Variants in SOX6 observed in about 807,000 individuals in gnomAD.
SOX6 encodes transcription factor SOX-6.
SOX6 carries 11 observed loss-of-function variants against 97.8 expected under a neutral mutation model. The observed-to-expected ratio is 0.11, with a 90% CI of 0.07 to 0.19. SOX6 has a LOEUF of 0.19. SOX6 is among the 10% of genes least tolerant of loss of function. The pLI, the probability that SOX6 is intolerant of heterozygous loss-of-function variation, is 1.00. For missense variants in SOX6, 810 were observed against 1,039.5 expected, an observed-to-expected ratio of 0.78 and a Z score of 3.04; for synonymous variants, 360 against 371.4, an observed-to-expected ratio of 0.97 and a Z score of 0.35.
intron 4 of SOX6, among the ~76,000 whole-genome samples, chr11:16,230,413 G>A (rs1389581072): frequency 1.3e-5 from 2 of 151,650 alleles, no homozygotes. Context: ...AAAGTCAATA[G>A]AGGCAAGTTA....
chr11:16,627,930 G>T (rs1237472295), intron 3 of SOX6, among the ~76,000 whole-genome samples: 1 of 152,046 alleles, frequency 6.6e-6, no homozygotes, highest in Non-Finnish European at 1.5e-5. Context: ...GTACTTTAGG[G>T]TCTTATATTT....
At chr11:16,713,807 G>A (rs1027459179) in intron 3 of SOX6, among the ~76,000 whole-genome samples, 1 of 152,288 alleles carries the variant, frequency 6.6e-6, no homozygotes, top group South Asian at 2.1e-4. Flanking sequence ...CACTCCTGCA[G>A]AACTCAAATC....
At chr11:16,262,244 C>CTACTAAACTACTACTACTAAACT (rs1853924668) in intron 3 of SOX6, among the ~76,000 whole-genome samples, 1 of 152,018 alleles carries the variant, frequency 6.6e-6, no homozygotes, top group Non-Finnish European at 1.5e-5. Context: ...GCAAGTCAAG[C>CTACTAAACTACTACTACTAAACT]ACATCAACAA....
chr11:16,250,935 A>T (rs1162889481), intron 3 of SOX6, among the ~76,000 whole-genome samples: 2 of 152,168 alleles, frequency 1.3e-5, no homozygotes, highest in African/African-American at 2.4e-5. Context: ...ATCAAGTCTA[A>T]ACAAATTTTA....
chr11:16,312,935 G>A (rs1298097707), intron 3 of SOX6: 3 of 152,060 alleles, frequency 2.0e-5, no homozygotes, highest in Non-Finnish European at 4.4e-5. Flanking sequence ...TTTAAAAGGT[G>A]GTTTCTGACA....
At chr11:16,360,921 T>C (rs1489039487), upstream of SOX6, among the ~76,000 whole-genome samples, 3 of 151,374 alleles carry the variant, frequency 2.0e-5, no homozygotes, top group East Asian at 1.9e-4. Flanking sequence ...GAGAATGGCG[T>C]GAACCCGGGA....
chr11:16,498,673 A>C (rs1860651390), intron 4 of SOX6, among the ~76,000 whole-genome samples: 1 of 152,202 alleles, frequency 6.6e-6, no homozygotes, highest in Non-Finnish European at 1.5e-5. Context: ...TCTCTGATAA[A>C]ACAGACTTTA....
Position 16,516,374 on chromosome 11 carries a change from C to T in SOX6, n.610-39986G>A, listed in dbSNP as rs1860973897. The stretch of plus-strand genomic sequence containing the variant: ...TGTCTGTTGTTGGTGTATAAGAATG[C>T]TTGTGATTTTTGTACATCGATTTTG... On this transcript the variant is annotated intron_variant and non_coding_transcript_variant, in intron 4 of 5. Transcript: ENST00000524520. 3.3e-5 allele frequency among the ~76,000 whole-genome samples: 5 copies of T among 152,124 alleles called. No homozygotes were observed. In the South Asian group the frequency reaches 8.3e-4, roughly 25 times the overall value.
At chr11:16,400,288 T>C (rs945346025) in intron 1 of SOX6, among the ~76,000 whole-genome samples, 3 of 151,578 alleles carry the variant, frequency 2.0e-5, no homozygotes, top group African/African-American at 7.2e-5. Flanking sequence ...AGAACAGGAA[T>C]GTTTAGCAGG....
At chr11:16,141,593 G>A (rs919825108) in intron 6 of SOX6, among the ~76,000 whole-genome samples, 3 of 152,158 alleles carry the variant, frequency 2.0e-5, no homozygotes, top group Non-Finnish European at 4.4e-5. Flanking sequence ...AGCGCAAGGG[G>A]TCAGGGAATT....
intron 3 of SOX6, among the ~76,000 whole-genome samples, chr11:16,289,226 C>T (rs1854836623): frequency 6.6e-6 from 1 of 151,826 alleles, no homozygotes; most frequent in African/African-American, 2.4e-5. Flanking sequence ...CAGTTTTAAA[C>T]AAGATGACCT....
chr11:16,637,771 C>T (rs1478997773), intron 3 of SOX6, among the ~76,000 whole-genome samples: 2 of 152,086 alleles, frequency 1.3e-5, no homozygotes, highest in Non-Finnish European at 2.9e-5. Context: ...AAATATATTT[C>T]TCAAGGTCGC....
Position 16,406,914 on chromosome 11 carries a change from T to C in SOX6, c.-4-65662A>G, listed in dbSNP as rs1409229166. Among the ~76,000 whole-genome samples, 5 of 152,136 alleles carry C rather than the reference T, an allele frequency of 3.3e-5. No individual in the cohort carries two copies. In the East Asian group the frequency reaches 9.6e-4, roughly 29 times the overall value. On this transcript the variant is annotated intron_variant, in intron 1 of 15. Coordinates refer to the SOX6 transcript ENST00000396356. Reference sequence around the variant, plus strand: ...TAAGTGAGAAAAATTCTTAAAAAGATAATTAACAACCCCATCACACCTTAT... The same window carrying C: ...TAAGTGAGAAAAATTCTTAAAAAGACAATTAACAACCCCATCACACCTTAT...
intron 1 of SOX6, among the ~76,000 whole-genome samples, chr11:16,737,012 G>A (rs539149196): frequency 6.6e-6 from 1 of 152,152 alleles, no homozygotes; most frequent in East Asian, 1.9e-4. Flanking sequence ...TTGAATCTAT[G>A]ACTGCATAAA....
chr11:16,246,208 T>C (rs182090592), intron 3 of SOX6, among the ~76,000 whole-genome samples: 62 of 151,736 alleles, frequency 4.1e-4, no homozygotes, highest in Admixed American at 1.3e-3. Context: ...ATTGCTGTCA[T>C]AGGTATTAGT....
At chr11:16,511,214 T>C (rs914238818) in intron 4 of SOX6, among the ~76,000 whole-genome samples, 48 of 152,192 alleles carry the variant, frequency 3.2e-4, no homozygotes, top group African/African-American at 1.1e-3. Context: ...TTGTTTGTTC[T>C]TCTGTTTCAA....
At chr11:16,508,474 A>G (rs1485978389) in intron 4 of SOX6, among the ~76,000 whole-genome samples, 2 of 152,138 alleles carry the variant, frequency 1.3e-5, no homozygotes, top group Admixed American at 6.6e-5. Context: ...AATATGGTCT[A>G]TATACACAAT....
chr11:16,442,828 T>C (rs535599067), intron 1 of SOX6, among the ~76,000 whole-genome samples: 1 of 152,158 alleles, frequency 6.6e-6, no homozygotes, highest in Non-Finnish European at 1.5e-5. Context: ...CTAAAAAGTA[T>C]GTGTCAGGAG....
At chr11:16,581,011 G>A (rs1848027984) in intron 4 of SOX6, among the ~76,000 whole-genome samples, 1 of 152,122 alleles carries the variant, frequency 6.6e-6, no homozygotes. Context: ...ATGTAAATTA[G>A]TTCAACCACT....
Sources: allele counts gnomAD v4.1 joint callset (sites outside exome capture counted in the v4.1 genomes callset), GRCh38; gene constraint gnomAD v4.1.1; transcripts MANE v1.5; gene names NCBI Gene and HGNC (gene_info 2026-07-23, HGNC 2026-07-21).